ITSN2: variants seen among roughly 807,000 people sequenced by gnomAD.
ITSN2 encodes the protein intersectin 2.
A neutral mutation model predicts 243.7 loss-of-function variants in ITSN2; 156 were observed. The observed-to-expected ratio is 0.64, with a 90% confidence interval of 0.56 to 0.73. The LOEUF (loss-of-function observed/expected upper bound fraction) is 0.73, where lower values mean the gene tolerates loss of function less well. ITSN2 is among the 30% of genes least tolerant of loss of function. ITSN2 has a pLI of 0.00. For synonymous variants in ITSN2, 703 were observed against 699.9 expected (o/e 1.00, Z -0.07); for missense variants, 1,801 against 1,996.1 (o/e 0.90, Z 1.86).
chr2:24,254,856 T>C (rs1674813609), intron 23 of ITSN2, among the ~76,000 whole-genome samples: 1 of 152,202 alleles, frequency 6.6e-6, no homozygotes. Flanking sequence ...ACTTTGTTTT[T>C]ATTATCTCAG....
intron 29 of ITSN2, among the ~76,000 whole-genome samples, chr2:24,224,726 C>T (rs1051496743): frequency 3.9e-5 from 6 of 152,022 alleles, no homozygotes; most frequent in East Asian, 1.9e-4. Context: ...CTCCGCCTCC[C>T]GGGTTCAAGC....
In ITSN2 at chr2:24,211,058, T is replaced by C. The variant is rs1364915089; in HGVS notation, c.4090-111A>G. 5.0e-6 allele frequency: 5 copies of C among 1,009,810 alleles called. No individual in the cohort carries two copies. The highest frequency in any genetic ancestry group is 2.9e-4 in the Middle Eastern group (1 of 3,408). 62.6% of individuals were successfully genotyped at this position (1,009,810 alleles called of 1,614,324 possible). A position where few individuals can be genotyped will look rare whatever the true frequency, so the allele number is the denominator to read the frequency against. On this transcript the variant is annotated intron_variant, in intron 33 of 39. Coordinates refer to ENST00000355123, the MANE Select transcript of ITSN2 (RefSeq NM_006277.3). The surrounding 1 kb of genome is among the most constrained non-coding windows in gnomAD (Gnocchi z 4.1). ...CATGTTATGGACTGCTTCCATGCCC[T>C]GGAAACGCGGCGGTGAACAAGACGA...
At chr2:24,214,402 A>C (rs1200326115) in intron 32 of ITSN2, 1 of 152,162 alleles carries the variant, frequency 6.6e-6, no homozygotes, top group Non-Finnish European at 1.5e-5. Context: ...TAAATCCATC[A>C]AGTGAACCCA....
rs1335744642 is a variant in ITSN2, at chr2:24,217,957, C to T, written c.3756G>A (p.Leu1252=). Residue 1252 remains leucine, a synonymous_variant, in exon 31 of 40, where the codon CTG becomes CTA. Coordinates refer to ENST00000355123, the MANE Select transcript of ITSN2 (RefSeq NM_006277.3). ...TGAGCTCCTTCCAGTTAACAAAAAT[C>T]AGGGCCATCTCCCCTTCAGTGAGAA... ...SGFLTEGEMA[L]IFVNWKELIM... The T allele has an allele frequency of 6.2e-7, 1 of 1,614,158 alleles. No individual in the cohort carries two copies. The highest frequency in any genetic ancestry group is 1.1e-5 in the South Asian group (1 of 91,068).
intron 27 of ITSN2, among the ~76,000 whole-genome samples, chr2:24,247,816 C>T (rs1187817902): frequency 2.6e-5 from 4 of 152,122 alleles, no homozygotes; most frequent in Non-Finnish European, 4.4e-5. Flanking sequence ...ATCAGGAGGT[C>T]AGAAGTAAAA....
chr2:24,261,799 A>T, intron 20 of ITSN2, 57 bp from the exon 21 acceptor site: 1 of 1,295,604 alleles, frequency 7.7e-7, no homozygotes, highest in Non-Finnish European at 1.1e-6. Context: ...TTTACAATGG[A>T]AAGAGATGAA....
chr2:24,352,163 A>AG (rs1210395362), intron 1 of ITSN2, among the ~76,000 whole-genome samples: 1 of 152,200 alleles, frequency 6.6e-6, no homozygotes, highest in Non-Finnish European at 1.5e-5. Context: ...AGCAACCACT[A>AG]GGGGTTTTGG....
At position 24,346,321 on chromosome 2, in the gene ITSN2, C is replaced by G. The variant is rs186977621; in HGVS notation, c.-34+13983G>C. On this transcript the variant is annotated intron_variant, in intron 1 of 39. Coordinates refer to ENST00000355123, the MANE Select transcript of ITSN2 (RefSeq NM_006277.3). ...TTGTCATCTTCCTCCTAAAAATTCA[C>G]TAACTTAGTCCAAGCATGACAAATC... 2.6e-5 allele frequency among the ~76,000 whole-genome samples: 4 copies of G among 152,330 alleles called. No homozygotes were observed. In the East Asian group the frequency reaches 7.7e-4, roughly 29 times the overall value.
At chr2:24,243,204 T>C (rs913281577) in intron 29 of ITSN2, among the ~76,000 whole-genome samples, 1 of 152,172 alleles carries the variant, frequency 6.6e-6, no homozygotes. Context: ...ATTGCAGCAA[T>C]TGTTATATTT....
intron 9 of ITSN2, 91 bp from the exon 10 acceptor site, chr2:24,302,193 A>G: frequency 1.6e-6 from 1 of 615,288 alleles, no homozygotes. Context: ...ACTTTTATTT[A>G]TTTATTTATT....
chr2:24,252,319 A>G (rs1038839814), intron 25 of ITSN2, 26 bp downstream of exon 25: 3 of 1,526,398 alleles, frequency 2.0e-6, no homozygotes, highest in African/African-American at 2.7e-5. Context: ...ATTAACCAGA[A>G]TGGGTTGATT....
intron 18 of ITSN2, among the ~76,000 whole-genome samples, chr2:24,272,810 C>T (rs1282810539): frequency 2.0e-5 from 3 of 152,148 alleles, no homozygotes; most frequent in African/African-American, 4.8e-5. Context: ...TCTAGGTCCA[C>T]GTGCTTTGGT....
Position 24,204,050 on chromosome 2 carries a change from A to C in ITSN2, c.4936+195T>G. ...GTGTGTGTAGGGAGTGATGGGTCAA[A>C]GACCTGAAACACATCTCAGGCCACC... On this transcript the variant is annotated intron_variant, in intron 39 of 39. Coordinates refer to ENST00000355123, the MANE Select transcript of ITSN2 (RefSeq NM_006277.3). The surrounding 1 kb of genome is among the most constrained non-coding windows in gnomAD (Gnocchi z 5.1). 1 of 640,178 alleles carries C rather than the reference A, an allele frequency of 1.6e-6. No individual in the cohort carries two copies. Among genetic ancestry groups the C allele is most frequent in the East Asian group, 2.7e-5 (1 of 36,506 alleles). The allele number at this position is 640,178 out of a possible 1,614,324, so 39.7% of individuals were successfully genotyped here.
intron 1 of ITSN2, chr2:24,330,789 T>C: frequency 9.5e-6 from 4 of 421,950 alleles, no homozygotes; most frequent in Admixed American, 3.3e-5. Context: ...TTTTTTTAGA[T>C]GAATTCTCGC....
chr2:24,244,289 T>A (rs1226504335), intron 29 of ITSN2, among the ~76,000 whole-genome samples: 1 of 152,188 alleles, frequency 6.6e-6, no homozygotes. Flanking sequence ...TTGAAGTAGA[T>A]TTCTCTAGAG....
Position 24,204,261 on chromosome 2 carries a change from G to T in ITSN2, c.4920C>A (p.Asp1640Glu), listed in dbSNP as rs749410131. The change falls in exon 39 of 40, where the codon GAC (aspartate) becomes GAA (glutamate). Residue 1640 changes from aspartate to glutamate, a missense_variant. Physicochemically the swap from Asp to Glu is conservative, Grantham distance 45. Coordinates refer to ENST00000355123, the MANE Select transcript of ITSN2 (RefSeq NM_006277.3). This position sits in a 1 kb window ranked among gnomAD's most constrained non-coding sequence, Gnocchi z 5.1. Reference protein sequence around the residue: ...DVLCLTLFDRDQFSPDDFLGR... With the variant: ...DVLCLTLFDREQFSPDDFLGR... ...GACACTTACCATCTGGTGAAAACTG[G>T]TCTCTGTCAAACAGGGTGAGACACA... 6.2e-7 allele frequency: 1 copy of T among 1,614,050 alleles called. No individual in the cohort carries two copies. Among genetic ancestry groups the T allele is most frequent in the South Asian group, 1.1e-5 (1 of 91,076 alleles).
Position 24,301,842 on chromosome 2 carries a change from T to C in ITSN2, c.995+123A>G. 3.8e-5 allele frequency: 36 copies of C among 951,134 alleles called. 1 individual carries two copies. The South Asian group carries it at 6.9e-4, about 18-fold the overall frequency. 58.9% of individuals were successfully genotyped at this position (951,134 alleles called of 1,614,324 possible). ...CTGGCCCACACCTACTTCTAATATG[T>C]ACCCTTTTCAAGTATAACTTGTTGA... is the stretch of plus-strand genomic sequence containing the variant. On this transcript the variant is annotated intron_variant, in intron 10 of 39. Transcript: ENST00000355123.
intron 31 of ITSN2, among the ~76,000 whole-genome samples, 184 bp downstream of exon 31, chr2:24,217,723 C>A (rs375536556): frequency 1.8e-4 from 27 of 152,112 alleles, no homozygotes; most frequent in African/African-American, 6.5e-4. Flanking sequence ...TCTTTACTTT[C>A]TTCAATACTT....
chr2:24,252,543 C>A (rs1558493035), intron 24 of ITSN2, 32 bp from the exon 25 acceptor site: 1 of 1,531,676 alleles, frequency 6.5e-7, no homozygotes, highest in South Asian at 1.2e-5. Context: ...GAAGTAGATT[C>A]TGGTTTTAAG....
Sources: gnomAD v4.1 joint callset for allele counts (sites outside exome capture counted in the v4.1 genomes callset) on GRCh38, gnomAD v4.1.1 for gene constraint, Gnocchi (gnomAD v3.1) non-coding constraint, MANE v1.5 for transcripts, NCBI Gene and HGNC (gene_info 2026-07-23, HGNC 2026-07-21) for gene names.